The following DIDO1 variants were observed in gnomAD, a reference collection of about 807,000 sequenced individuals.
The protein encoded by DIDO1 is death-inducer obliterator 1.
A neutral mutation model predicts 99.4 loss-of-function variants in DIDO1; 16 were observed. The ratio of observed to expected loss-of-function variants is 0.16; its 90% CI spans 0.11 to 0.24. DIDO1 has a LOEUF of 0.24. DIDO1 is among the 10% of genes least tolerant of loss of function. The pLI is 1.00. For synonymous variants in DIDO1, 1,366 were observed against 1,239.1 expected, an observed-to-expected ratio of 1.10 and a Z score of -2.15; for missense variants, 2,996 against 3,014.0, an observed-to-expected ratio of 0.99 and a Z score of 0.14.
chr20:62,917,024 A>C (rs2065049783), intron 1 of DIDO1, among the ~76,000 whole-genome samples: 1 of 152,088 alleles, frequency 6.6e-6, no homozygotes, highest in Admixed American at 6.5e-5. Flanking sequence ...GGATAGCATA[A>C]AACAAACATT....
At chr20:62,890,769 A>G in intron 15 of DIDO1, 191 bp downstream of exon 15, 2 of 1,438,612 alleles carry the variant, frequency 1.4e-6, no homozygotes, top group Non-Finnish European at 1.8e-6. Flanking sequence ...TTATGCTGTG[A>G]ATCAGGGGTA....
At chr20:62,892,242 G>T (rs1231077974) in intron 13 of DIDO1, among the ~76,000 whole-genome samples, 166 bp from the exon 14 acceptor site, 1 of 152,182 alleles carries the variant, frequency 6.6e-6, no homozygotes, top group East Asian at 1.9e-4. Context: ...GATGACAAGT[G>T]GCCAAATCCA....
chr20:62,933,634 C>T (rs931007392), intron 1 of DIDO1, among the ~76,000 whole-genome samples: 1 of 152,208 alleles, frequency 6.6e-6, no homozygotes, highest in African/African-American at 2.4e-5. Context: ...CTCTGGGAGG[C>T]TGAGGCAGGA....
At chr20:62,926,595 G>C (rs868334341), upstream of DIDO1, 22 of 152,150 alleles carry the variant, frequency 1.4e-4, no homozygotes, top group Admixed American at 9.2e-4. Context: ...AGCCCGGGCT[G>C]CGAAGCCCGG....
chr20:62,897,443 G>A (rs913089164), intron 6 of DIDO1, among the ~76,000 whole-genome samples: 5 of 152,222 alleles, frequency 3.3e-5, no homozygotes, highest in Non-Finnish European at 7.3e-5. Context: ...CTCTTAGCCC[G>A]GTGGGTGGGG....
chr20:62,907,334 T>C lies in DIDO1; in HGVS notation c.1187A>G (p.Lys396Arg). ...QPVIEAPGASKCIGPGCCHVA... is the reference protein window; with the variant it reads ...QPVIEAPGASRCIGPGCCHVA... ...GTGACAGCACCCGGGGCCAATACAT[T>C]TTGAGGCACCAGGCGCCTCTATCAC... is the stretch of plus-strand genomic sequence containing the variant. The change falls in exon 5 of 16, where the codon AAA (lysine) becomes AGA (arginine). Residue 396 changes from lysine to arginine, a missense_variant. Coordinates refer to ENST00000395343, the MANE Select transcript of DIDO1 (RefSeq NM_001193369.2). 6.2e-7 allele frequency: 1 copy of C among 1,614,138 alleles called. No individual in the cohort carries two copies. Among genetic ancestry groups the C allele is most frequent in the Non-Finnish European group, 8.5e-7 (1 of 1,180,032 alleles).
intron 15 of DIDO1, chr20:62,889,943 C>T: frequency 1.0e-6 from 1 of 985,476 alleles, no homozygotes; most frequent in Non-Finnish European, 1.2e-6. Flanking sequence ...GAAGAATGGG[C>T]TCCAGTAGGA....
intron 6 of DIDO1, among the ~76,000 whole-genome samples, chr20:62,900,632 C>A (rs2064649030): frequency 1.3e-5 from 2 of 152,220 alleles, no homozygotes; most frequent in African/African-American, 4.8e-5. Flanking sequence ...ACCTTATGTG[C>A]TGGATGGCTC....
At chr20:62,913,401 G>A (rs1207371424) in intron 2 of DIDO1, among the ~76,000 whole-genome samples, 2 of 152,190 alleles carry the variant, frequency 1.3e-5, no homozygotes, top group Admixed American at 1.3e-4. Flanking sequence ...CACCAGCCAG[G>A]TGACCCCAGG....
At chr20:62,937,758 G>A in intron 1 of DIDO1, 1 of 396,488 alleles carries the variant, frequency 2.5e-6, no homozygotes, top group Non-Finnish European at 4.4e-6. Flanking sequence ...GCCCCACCCC[G>A]TGCGGCCTCA....
chr20:62,885,700 C>A (rs1452015235), intron 15 of DIDO1, among the ~76,000 whole-genome samples: 1 of 152,234 alleles, frequency 6.6e-6, no homozygotes, highest in Non-Finnish European at 1.5e-5. Context: ...TCCAAAAAGG[C>A]ACACCCGCTG....
chr20:62,893,613 CG>C, intron 12 of DIDO1, 52 bp downstream of exon 12: 2 of 1,501,556 alleles, frequency 1.3e-6, no homozygotes, highest in Admixed American at 4.4e-5. Flanking sequence ...TCTTTCCTTT[CG>C]TTAATCTAAA....
chr20:62,912,172 G>T lies in DIDO1; in HGVS notation c.-2-558C>A, dbSNP rs190241952. Among the ~76,000 whole-genome samples, 5 of 152,300 alleles carry T rather than the reference G, an allele frequency of 3.3e-5. No homozygotes were observed. The East Asian group carries it at 7.7e-4, about 23-fold the overall frequency. On this transcript the variant is annotated intron_variant, in intron 2 of 15. Coordinates refer to ENST00000395343, the MANE Select transcript of DIDO1 (RefSeq NM_001193369.2). Reference sequence around the variant, plus strand: ...AGAGGATATGAAGAAGCTGAGTCCCGACTTTCAGCTCCCCAACCAGGGGCT... The same window carrying T: ...AGAGGATATGAAGAAGCTGAGTCCCTACTTTCAGCTCCCCAACCAGGGGCT...
In DIDO1 at chr20:62,881,089, C is replaced by T. The variant is rs749752634; in HGVS notation, c.4867G>A (p.Glu1623Lys). The T allele has an allele frequency of 2.0e-4, 322 of 1,606,916 alleles. No individual in the cohort carries two copies. Among genetic ancestry groups the T allele is most frequent in the Non-Finnish European group, 2.4e-4 (283 of 1,178,862 alleles). The stretch of plus-strand genomic sequence containing the variant: ...TGCTCGGACCCCGCTGGGGGCTTTT[C>T]GCCCGAAGCCCAGGGGGAAGAGGCT... ...EPASSPWASGEKPPAGSEQDG... is the reference protein window; with the variant it reads ...EPASSPWASGKKPPAGSEQDG... Residue 1623 changes from glutamate to lysine, a missense_variant, in exon 16 of 16, where the codon GAA becomes AAA. By Grantham distance (56) the Glu-to-Lys change is moderately conservative. Around this residue, in one of 5 missense-constraint regions of DIDO1, gnomAD observed 1,562 missense variants for 1,412.6 expected, o/e 1.11. Transcript: ENST00000395343. The surrounding 1 kb of genome is among the most constrained non-coding windows in gnomAD (Gnocchi z 8.3).
At chr20:62,916,648 G>A (rs997618719) in intron 1 of DIDO1, among the ~76,000 whole-genome samples, 3 of 152,128 alleles carry the variant, frequency 2.0e-5, no homozygotes, top group South Asian at 2.1e-4. Flanking sequence ...TGGCATAACC[G>A]AAGACAGCTC....
chr20:62,929,693 G>GTATATATATATA (rs565069048), upstream of DIDO1, among the ~76,000 whole-genome samples: 630 of 97,888 alleles, frequency 6.4e-3, 86 homozygotes, highest in African/African-American at 0.015. Context: ...AAAAGAAAAA[G>GTATATATATATA]TGTATATATA....
intron 15 of DIDO1, among the ~76,000 whole-genome samples, chr20:62,885,260 C>T (rs907241690): frequency 6.6e-6 from 1 of 152,102 alleles, no homozygotes; most frequent in African/African-American, 2.4e-5. Context: ...GGACCCTGGG[C>T]AGTAGGGCTT....
chr20:62,896,293 A>T lies in DIDO1; in HGVS notation c.2154T>A (p.Asp718Glu). The change falls in exon 8 of 16, where the codon GAT (aspartate) becomes GAA (glutamate). Residue 718 changes from aspartate to glutamate, a missense_variant. By Grantham distance (45) the Asp-to-Glu change is conservative (BLOSUM62 2). Around this residue, in one of 5 missense-constraint regions of DIDO1, gnomAD observed 898 missense variants for 972.7 expected, o/e 0.92. Coordinates refer to ENST00000395343, the MANE Select transcript of DIDO1 (RefSeq NM_001193369.2). This position sits in a 1 kb window ranked among gnomAD's most constrained non-coding sequence, Gnocchi z 4.4. ...KEMFNLFQVT[D>E]NRYKSKYRSI... ...TGCGATATTTACTCTTGTAGCGATT[A>T]TCTGTAACTTGAAACAAGTTAAACA... 1 of 1,613,940 alleles carries T rather than the reference A, an allele frequency of 6.2e-7. No individual in the cohort carries two copies. Among genetic ancestry groups the T allele is most frequent in the Non-Finnish European group, 8.5e-7 (1 of 1,179,988 alleles).
chr20:62,897,745 G>C (rs2064569242), intron 6 of DIDO1, among the ~76,000 whole-genome samples: 1 of 152,254 alleles, frequency 6.6e-6, no homozygotes, highest in Admixed American at 6.5e-5. Flanking sequence ...TGTCAGTAGA[G>C]AATCAATCAC....
Sources: gnomAD v4.1 joint callset for allele counts (sites outside exome capture counted in the v4.1 genomes callset) on GRCh38, gnomAD v4.1.1 for gene constraint, gnomAD v4.1.1 regional missense constraint, Gnocchi (gnomAD v3.1) non-coding constraint, MANE v1.5 for transcripts, NCBI Gene and HGNC (gene_info 2026-07-23, HGNC 2026-07-21) for gene names.